MYO1D: variants seen among roughly 807,000 people sequenced by gnomAD.
MYO1D encodes the protein unconventional myosin-Id.
Under a neutral mutation model 122.0 loss-of-function variants are expected in MYO1D, and 83 were observed. That is an observed-to-expected ratio of 0.68 (90% CI 0.57 to 0.82). The LOEUF (loss-of-function observed/expected upper bound fraction) is 0.82, where lower values mean the gene tolerates loss of function less well. MYO1D is among the 40% of genes least tolerant of loss of function. The pLI, the probability that MYO1D is intolerant of heterozygous loss-of-function variation, is 0.00. For missense variants in MYO1D, 1,157 were observed against 1,269.5 expected, an observed-to-expected ratio of 0.91 and a Z score of 1.35; for synonymous variants, 464 against 446.9, an observed-to-expected ratio of 1.04 and a Z score of -0.48.
chr17:32,707,189 G>C (rs1177781830), intron 16 of MYO1D, among the ~76,000 whole-genome samples: 1 of 151,916 alleles, frequency 6.6e-6, no homozygotes, highest in Non-Finnish European at 1.5e-5. Flanking sequence ...CAAATTCATA[G>C]GAAAAGGATG....
At chr17:32,690,137 A>G (rs886962424) in intron 16 of MYO1D, among the ~76,000 whole-genome samples, 2 of 151,820 alleles carry the variant, frequency 1.3e-5, no homozygotes, top group African/African-American at 4.8e-5. Flanking sequence ...TAGAATGTAT[A>G]AAGATCAAGT....
intron 1 of MYO1D, among the ~76,000 whole-genome samples, chr17:32,823,337 AACT>A (rs1293923366): frequency 6.6e-6 from 1 of 152,224 alleles, no homozygotes; most frequent in Non-Finnish European, 1.5e-5. Flanking sequence ...AGATCAGCCC[AACT>A]ACTAACCTCT....
chr17:32,739,309 A>G (rs1218758533), intron 13 of MYO1D, among the ~76,000 whole-genome samples: 1 of 151,950 alleles, frequency 6.6e-6, no homozygotes, highest in African/African-American at 2.4e-5. Context: ...AATACTATGC[A>G]GCCATAAAAA....
intron 15 of MYO1D, among the ~76,000 whole-genome samples, chr17:32,713,412 C>T (rs1445441847): frequency 6.6e-6 from 1 of 152,176 alleles, no homozygotes; most frequent in East Asian, 1.9e-4. Context: ...ATCACTACCA[C>T]ATGGTTTTAA....
rs765168629 is a variant in MYO1D, at chr17:32,712,115, C to T, written c.1994G>A (p.Arg665Gln). 32 of 1,613,818 alleles carry T rather than the reference C, an allele frequency of 2.0e-5. No individual in the cohort carries two copies. The highest frequency in any genetic ancestry group is 4.0e-5 in the African/African-American group (3 of 74,832). The change falls in exon 16 of 22, where the codon CGG becomes CAG. Residue 665 changes from arginine (R) to glutamine (Q), a missense_variant. By Grantham distance (43) the Arg-to-Gln change is conservative. Transcript: ENST00000318217. The stretch of plus-strand genomic sequence containing the variant: ...AGCTACATCATCCTGAAAACCACAC[C>T]GTTCAATTAGTTTCTTGACAGCCTC... The part of the protein sequence containing the change: ...DKEAVKKLIE[R>Q]CGFQDDVAYG...
At chr17:32,822,621 CGGCCCCCGTCCCGGGGGGTGGCCGCGCG>C (rs1027831016) in intron 1 of MYO1D, among the ~76,000 whole-genome samples, 7 of 148,892 alleles carry the variant, frequency 4.7e-5, no homozygotes, top group African/African-American at 7.3e-5. Flanking sequence ...CGTGGCCCGC[CGGCCCCCGTCCCGGGGGGTGGCCGCGCG>C]GGCCCCGGTG....
intron 16 of MYO1D, among the ~76,000 whole-genome samples, chr17:32,683,909 C>T (rs1333216098): frequency 6.6e-6 from 1 of 151,942 alleles, no homozygotes; most frequent in South Asian, 2.1e-4. Flanking sequence ...ACTCCGTGGG[C>T]GTAGGACCCT....
chr17:32,604,560 C>A (rs1320784802), intron 21 of MYO1D, among the ~76,000 whole-genome samples: 2 of 152,320 alleles, frequency 1.3e-5, no homozygotes, highest in African/African-American at 4.8e-5. Context: ...TGTTCACCCC[C>A]CTGCCCCAGG....
At chr17:32,703,228 T>C (rs2089268904) in intron 16 of MYO1D, among the ~76,000 whole-genome samples, 1 of 152,132 alleles carries the variant, frequency 6.6e-6, no homozygotes, top group South Asian at 2.1e-4. Context: ...TAATTAATTA[T>C]AGATGCCCTT....
intron 21 of MYO1D, among the ~76,000 whole-genome samples, chr17:32,554,167 T>C (rs1249502604): frequency 6.6e-6 from 1 of 152,194 alleles, no homozygotes; most frequent in Non-Finnish European, 1.5e-5. Flanking sequence ...TCCACTGGGA[T>C]TCTCAACTGA....
chr17:32,754,028 T>C (rs1460709258), intron 11 of MYO1D, among the ~76,000 whole-genome samples: 1 of 152,212 alleles, frequency 6.6e-6, no homozygotes, highest in Non-Finnish European at 1.5e-5. Flanking sequence ...GTGAGACTCA[T>C]AGCTAATTTA....
chr17:32,533,628 T>C (rs946401258), intron 21 of MYO1D, among the ~76,000 whole-genome samples: 4 of 152,248 alleles, frequency 2.6e-5, no homozygotes, highest in African/African-American at 9.6e-5. Context: ...CCTCTGGGTG[T>C]CTCTGTGATC....
At chr17:32,637,221 T>G (rs979884336) in intron 20 of MYO1D, among the ~76,000 whole-genome samples, 1 of 152,174 alleles carries the variant, frequency 6.6e-6, no homozygotes, top group Non-Finnish European at 1.5e-5. Flanking sequence ...CCACAATTAA[T>G]TTTTTTGGTT....
intron 21 of MYO1D, among the ~76,000 whole-genome samples, chr17:32,568,004 T>C (rs981756626): frequency 6.6e-6 from 1 of 152,098 alleles, no homozygotes; most frequent in African/African-American, 2.4e-5. Context: ...AGCAAAACAA[T>C]GCAAAAGGTA....
At chr17:32,534,144 A>C (rs1159727141) in intron 21 of MYO1D, among the ~76,000 whole-genome samples, 1 of 152,182 alleles carries the variant, frequency 6.6e-6, no homozygotes, top group Non-Finnish European at 1.5e-5. Flanking sequence ...CATATGCAAT[A>C]ATTACTTTTA....
At chr17:32,585,991 TTTCTC>T (rs1338106671) in intron 21 of MYO1D, among the ~76,000 whole-genome samples, 39 of 152,294 alleles carry the variant, frequency 2.6e-4, no homozygotes, top group African/African-American at 8.2e-4. Context: ...CTTGGAATAA[TTTCTC>T]TACGTGTCAA....
intron 21 of MYO1D, chr17:32,498,496 G>A (rs1909203056): frequency 6.6e-6 from 1 of 152,180 alleles, no homozygotes; most frequent in Non-Finnish European, 1.5e-5. Context: ...CTACCCTCCA[G>A]GTGCTCCACA....
intron 14 of MYO1D, 100 bp from the exon 15 acceptor site, chr17:32,721,289 A>T: frequency 9.4e-7 from 1 of 1,060,956 alleles, no homozygotes; most frequent in Non-Finnish European, 1.4e-6. Flanking sequence ...AGTTAAGCTC[A>T]GTGCCTCTAA....
intron 16 of MYO1D, among the ~76,000 whole-genome samples, chr17:32,706,886 C>T (rs1023312760): frequency 1.5e-4 from 23 of 152,052 alleles, no homozygotes; most frequent in Admixed American, 3.3e-4. Flanking sequence ...TTAGTAGAGA[C>T]GGGGTTTCAC....
Sources: allele counts gnomAD v4.1 joint callset (sites outside exome capture counted in the v4.1 genomes callset), GRCh38; gene constraint gnomAD v4.1.1; transcripts MANE v1.5; gene names NCBI Gene and HGNC (gene_info 2026-07-23, HGNC 2026-07-21).